The following PCDH15 variants were observed in gnomAD, a reference collection of about 807,000 sequenced individuals.
The protein encoded by PCDH15 is protocadherin-15.
PCDH15 carries 129 observed loss-of-function variants against 178.5 expected under a neutral mutation model. The ratio of observed to expected loss-of-function variants is 0.72; its 90% CI spans 0.63 to 0.84. PCDH15 has a LOEUF of 0.84. Ranked by LOEUF, PCDH15 falls within the 40% of genes least tolerant of loss-of-function variation. The probability of loss-of-function intolerance (pLI) is 0.00; values close to 1 mark genes in which losing one functional copy is unlikely to be tolerated. For missense variants in PCDH15, 2,230 were observed against 2,099.9 expected (o/e 1.06, Z -1.21); for synonymous variants, 800 against 732.0 (o/e 1.09, Z -1.50).
intron 23 of PCDH15, among the ~76,000 whole-genome samples, chr10:53,944,627 A>G (rs2086373112): frequency 6.6e-6 from 1 of 152,212 alleles, no homozygotes; most frequent in Non-Finnish European, 1.5e-5. Context: ...TCAAAGCTAA[A>G]TTTACTGCCA....
chr10:54,085,964 T>G (rs2094508567), intron 16 of PCDH15, among the ~76,000 whole-genome samples: 1 of 152,210 alleles, frequency 6.6e-6, no homozygotes, highest in African/African-American at 2.4e-5. Context: ...TCATTTTGCT[T>G]TAAGATATAA....
At chr10:55,594,390 A>G (rs953847264) in intron 2 of PCDH15, among the ~76,000 whole-genome samples, 1 of 152,030 alleles carries the variant, frequency 6.6e-6, no homozygotes, top group African/African-American at 2.4e-5. Flanking sequence ...ATGAAAGGAA[A>G]ACTAAAATCA....
At chr10:55,502,324 C>T (rs898393567) in intron 2 of PCDH15, among the ~76,000 whole-genome samples, 1 of 151,514 alleles carries the variant, frequency 6.6e-6, no homozygotes, top group African/African-American at 2.4e-5. Flanking sequence ...AGTAACAGCC[C>T]TTCTCATCCT....
Position 54,069,216 on chromosome 10 carries a change from C to T in PCDH15, c.2092-2331G>A, listed in dbSNP as rs2094195159. Reference sequence around the variant, plus strand: ...GAATGGTGACCCTGGAGTTTGCTGGCTTTTCTTCAAATTGCCTGACCCCCT... The same window carrying T: ...GAATGGTGACCCTGGAGTTTGCTGGTTTTTCTTCAAATTGCCTGACCCCCT... On this transcript the variant is annotated intron_variant, in intron 17 of 37. Transcript: ENST00000644397. Among the ~76,000 whole-genome samples, 4 of 152,112 alleles carry T rather than the reference C, an allele frequency of 2.6e-5. No homozygotes were observed. The South Asian group carries it at 8.3e-4, about 32-fold the overall frequency.
intron 2 of PCDH15, among the ~76,000 whole-genome samples, chr10:54,900,220 C>T (rs959504064): frequency 2.0e-4 from 31 of 152,188 alleles, no homozygotes; most frequent in African/African-American, 7.0e-4. Context: ...TCGGCACTTA[C>T]TTGGCAGCAA....
intron 1 of PCDH15, among the ~76,000 whole-genome samples, chr10:55,186,845 C>A (rs932307769): frequency 1.3e-5 from 2 of 151,374 alleles, no homozygotes; most frequent in African/African-American, 4.8e-5. Context: ...CTGTTTTATG[C>A]TTCAGTACTT....
At chr10:54,655,248 AAGAAAGAAAGAGAGAGAGAG>A (rs1377619977) in intron 2 of PCDH15, among the ~76,000 whole-genome samples, 15 of 65,722 alleles carry the variant, frequency 2.3e-4, no homozygotes, top group African/African-American at 8.9e-4. Flanking sequence ...GAAAGAAAGA[AAGAAAGAAAGAGAGAGAGAG>A]AGAGAGAGAG....
intron 3 of PCDH15, among the ~76,000 whole-genome samples, chr10:54,388,887 C>T (rs1193295298): frequency 3.9e-5 from 6 of 152,090 alleles, no homozygotes; most frequent in African/African-American, 7.2e-5. Context: ...GGGTTTAATG[C>T]CACTGGTCAG....
At chr10:55,526,850 T>C (rs1263820722) in intron 2 of PCDH15, among the ~76,000 whole-genome samples, 1 of 152,092 alleles carries the variant, frequency 6.6e-6, no homozygotes, top group Non-Finnish European at 1.5e-5. Flanking sequence ...AAAAGCCATA[T>C]CATTCAAATG....
At chr10:55,461,985 A>G (rs560690684) in intron 2 of PCDH15, among the ~76,000 whole-genome samples, 1 of 152,204 alleles carries the variant, frequency 6.6e-6, no homozygotes, top group South Asian at 2.1e-4. Flanking sequence ...ACACCCATTA[A>G]TGGTCAAGAC....
At chr10:55,075,336 GC>G (rs1341861391) in intron 2 of PCDH15, among the ~76,000 whole-genome samples, 1 of 150,224 alleles carries the variant, frequency 6.7e-6, no homozygotes, top group African/African-American at 2.4e-5. Context: ...ATCTTTGTTA[GC>G]TCTATAACAG....
At chr10:54,303,386 C>T (rs1157109105) in intron 8 of PCDH15, among the ~76,000 whole-genome samples, 2 of 151,698 alleles carry the variant, frequency 1.3e-5, no homozygotes, top group Non-Finnish European at 2.9e-5. Context: ...ATTTCATATC[C>T]CATATGTACA....
intron 2 of PCDH15, among the ~76,000 whole-genome samples, chr10:54,562,664 G>C (rs2088361827): frequency 6.6e-6 from 1 of 151,992 alleles, no homozygotes; most frequent in South Asian, 2.1e-4. Flanking sequence ...CATAGCACAT[G>C]CTTCATATAT....
At chr10:54,076,659 T>C (rs900355369) in intron 17 of PCDH15, among the ~76,000 whole-genome samples, 4 of 152,224 alleles carry the variant, frequency 2.6e-5, no homozygotes, top group African/African-American at 4.8e-5. Flanking sequence ...ATGCAACTTA[T>C]ACAGATTTTT....
At chr10:54,161,351 AC>A in intron 13 of PCDH15, among the ~76,000 whole-genome samples, 1 of 152,316 alleles carries the variant, frequency 6.6e-6, no homozygotes, top group East Asian at 1.9e-4. Flanking sequence ...GACAAGGAAA[AC>A]TTTTAGAGGC....
chr10:55,440,729 G>C (rs900836816), intron 2 of PCDH15, among the ~76,000 whole-genome samples: 9 of 152,050 alleles, frequency 5.9e-5, no homozygotes, highest in African/African-American at 1.9e-4. Context: ...GTATCAGTCC[G>C]TTTTCACACT....
intron 2 of PCDH15, among the ~76,000 whole-genome samples, chr10:55,016,598 T>C (rs1840186977): frequency 6.6e-6 from 1 of 152,210 alleles, no homozygotes; most frequent in South Asian, 2.1e-4. Flanking sequence ...TTTCTTGTGG[T>C]TGAGTAGTAC....
intron 2 of PCDH15, among the ~76,000 whole-genome samples, chr10:55,125,593 T>C (rs1837877907): frequency 6.6e-6 from 1 of 151,992 alleles, no homozygotes; most frequent in Non-Finnish European, 1.5e-5. Context: ...TGTTGACCAG[T>C]AGTAGTCTTG....
At chr10:54,535,150 C>T (rs898971569) in intron 2 of PCDH15, among the ~76,000 whole-genome samples, 4 of 151,912 alleles carry the variant, frequency 2.6e-5, no homozygotes, top group African/African-American at 7.3e-5. Context: ...TTTTATGTAC[C>T]TTAGTGTCAT....
Sources: allele counts gnomAD v4.1 joint callset (sites outside exome capture counted in the v4.1 genomes callset), GRCh38; gene constraint gnomAD v4.1.1; transcripts MANE v1.5; gene names NCBI Gene and HGNC (gene_info 2026-07-23, HGNC 2026-07-21).